The following PDGFC variants were observed in gnomAD, a reference collection of about 807,000 sequenced individuals.
PDGFC encodes the protein platelet derived growth factor C.
Under a neutral mutation model 35.5 loss-of-function variants are expected in PDGFC, and 12 were observed. The observed-to-expected ratio is 0.34, with a 90% confidence interval of 0.22 to 0.55. The LOEUF is 0.55. PDGFC is among the 20% of genes least tolerant of loss of function. PDGFC has a pLI of 0.91. For missense variants in PDGFC, 322 were observed against 412.4 expected (o/e 0.78, Z 1.90); for synonymous variants, 159 against 148.8 (o/e 1.07, Z -0.50).
chr4:156,815,156 A>G (rs1732045998), intron 2 of PDGFC, among the ~76,000 whole-genome samples: 1 of 152,246 alleles, frequency 6.6e-6, no homozygotes, highest in Non-Finnish European at 1.5e-5. Flanking sequence ...ATATGCTACT[A>G]ATAGTTTCAT....
intron 4 of PDGFC, among the ~76,000 whole-genome samples, chr4:156,772,124 G>A (rs1010067388): frequency 2.7e-5 from 4 of 150,106 alleles, no homozygotes; most frequent in Admixed American, 6.6e-5. Flanking sequence ...GGTTCTTTTA[G>A]GTTCTTGTTT....
intron 2 of PDGFC, among the ~76,000 whole-genome samples, chr4:156,844,120 TG>T (rs1729268893): frequency 6.6e-6 from 1 of 152,210 alleles, no homozygotes; most frequent in South Asian, 2.1e-4. Context: ...CTATTAAATC[TG>T]TCAATGTAAA....
intron 3 of PDGFC, among the ~76,000 whole-genome samples, chr4:156,805,024 T>G (rs1303339649): frequency 1.3e-5 from 2 of 152,012 alleles, no homozygotes; most frequent in African/African-American, 4.8e-5. Flanking sequence ...ATCTGTGAAA[T>G]TTTTTCTTAG....
intron 1 of PDGFC, among the ~76,000 whole-genome samples, chr4:156,905,243 C>T (rs189656669): frequency 5.3e-5 from 8 of 152,120 alleles, no homozygotes; most frequent in Admixed American, 5.2e-4. Flanking sequence ...AAAAGTTTGG[C>T]AATCTGAGAG....
intron 1 of PDGFC, among the ~76,000 whole-genome samples, chr4:156,874,890 T>C (rs1579070651): frequency 6.6e-6 from 1 of 151,966 alleles, no homozygotes; most frequent in African/African-American, 2.4e-5. Flanking sequence ...CTAATTTTTG[T>C]ATTTTTTTGT....
At chr4:156,919,659 A>C (rs1731228640) in intron 1 of PDGFC, among the ~76,000 whole-genome samples, 1 of 152,190 alleles carries the variant, frequency 6.6e-6, no homozygotes, top group African/African-American at 2.4e-5. Flanking sequence ...TATGGACACC[A>C]AGAAGCTGCC....
At chr4:156,788,466 C>T (rs763770788) in intron 3 of PDGFC, among the ~76,000 whole-genome samples, 6 of 152,150 alleles carry the variant, frequency 3.9e-5, no homozygotes, top group Non-Finnish European at 8.8e-5. Context: ...GTATCAGAAA[C>T]TTAGCAGGGC....
Position 156,910,988 on chromosome 4 carries a change from A to G in PDGFC, c.118+59798T>C, listed in dbSNP as rs143927260. Among the ~76,000 whole-genome samples the G allele has an allele frequency of 3.4e-3, 525 of 152,264 alleles. 4 individuals carry two copies. Among genetic ancestry groups the G allele is most frequent in the African/African-American group, 0.012 (495 of 41,560 alleles). On this transcript the variant is annotated intron_variant, in intron 1 of 5. Coordinates refer to ENST00000502773, the MANE Select transcript of PDGFC (RefSeq NM_016205.3). ...TTTGTAAATATTTTTTTCTAAATCCATAGCTCGTCCTTTCATCCTCTTAAC... is the reference window on the plus strand; with the variant it reads ...TTTGTAAATATTTTTTTCTAAATCCGTAGCTCGTCCTTTCATCCTCTTAAC...
intron 1 of PDGFC, among the ~76,000 whole-genome samples, chr4:156,910,661 CA>C (rs771664961): frequency 6.6e-6 from 1 of 152,122 alleles, no homozygotes; most frequent in Non-Finnish European, 1.5e-5. Context: ...CCACCAGTGA[CA>C]TATGGGAGAT....
intron 1 of PDGFC, among the ~76,000 whole-genome samples, chr4:156,850,993 C>G (rs1354213759): frequency 6.6e-6 from 1 of 152,110 alleles, no homozygotes; most frequent in Non-Finnish European, 1.5e-5. Context: ...TCTCACTGAT[C>G]TTTGAAATGT....
At chr4:156,813,537 G>A (rs1429597305) in intron 2 of PDGFC, among the ~76,000 whole-genome samples, 3 of 152,044 alleles carry the variant, frequency 2.0e-5, no homozygotes, top group African/African-American at 7.2e-5. Flanking sequence ...GGTGAAAGGG[G>A]TGGGGGATGA....
At chr4:156,891,993 G>A (rs1730524378) in intron 1 of PDGFC, among the ~76,000 whole-genome samples, 1 of 152,164 alleles carries the variant, frequency 6.6e-6, no homozygotes, top group Non-Finnish European at 1.5e-5. Flanking sequence ...TAGACATGAA[G>A]TACGTGCTGG....
chr4:156,831,904 C>A (rs1041718515), intron 2 of PDGFC, among the ~76,000 whole-genome samples: 1 of 152,114 alleles, frequency 6.6e-6, no homozygotes, highest in African/African-American at 2.4e-5. Flanking sequence ...ACAGTGAGCA[C>A]TTTGATTTGC....
intron 3 of PDGFC, among the ~76,000 whole-genome samples, chr4:156,773,318 A>G (rs932212899): frequency 1.3e-5 from 2 of 152,212 alleles, no homozygotes; most frequent in Admixed American, 1.3e-4. Context: ...ATAAGAAATA[A>G]TTAACCCAAA....
At chr4:156,950,445 G>T (rs552188638) in intron 1 of PDGFC, among the ~76,000 whole-genome samples, 1 of 151,876 alleles carries the variant, frequency 6.6e-6, no homozygotes, top group East Asian at 1.9e-4. Flanking sequence ...CCTTTCCATT[G>T]TCTAGTCACT....
At chr4:156,895,208 C>T (rs1342674843) in intron 1 of PDGFC, among the ~76,000 whole-genome samples, 3 of 152,146 alleles carry the variant, frequency 2.0e-5, no homozygotes, top group Admixed American at 2.0e-4. Flanking sequence ...ACCAAATCAG[C>T]ATGGACTGTT....
At chr4:156,885,238 A>G (rs1730347967) in intron 1 of PDGFC, among the ~76,000 whole-genome samples, 2 of 151,934 alleles carry the variant, frequency 1.3e-5, no homozygotes, top group African/African-American at 2.4e-5. Context: ...CCTCAGTTCT[A>G]CTCCATAACA....
intron 1 of PDGFC, among the ~76,000 whole-genome samples, chr4:156,932,134 AT>A (rs1731564305): frequency 6.6e-6 from 1 of 152,204 alleles, no homozygotes; most frequent in Admixed American, 6.5e-5. Context: ...CAGGAGTCTA[AT>A]TCACCTTCAC....
At chr4:156,844,221 A>T (rs1268049854) in intron 2 of PDGFC, among the ~76,000 whole-genome samples, 1 of 152,232 alleles carries the variant, frequency 6.6e-6, no homozygotes, top group Non-Finnish European at 1.5e-5. Flanking sequence ...TTAGTTAGTT[A>T]AATTGTTCTC....
Sources: allele counts gnomAD v4.1 joint callset (sites outside exome capture counted in the v4.1 genomes callset), GRCh38; gene constraint gnomAD v4.1.1; transcripts MANE v1.5; gene names NCBI Gene and HGNC (gene_info 2026-07-23, HGNC 2026-07-21).